Variants in PRKG1 observed in about 807,000 individuals in gnomAD.
PRKG1 encodes the protein protein kinase cGMP-dependent 1.
In PRKG1, 35 loss-of-function variants were observed where a neutral mutation model predicts 88.1. The ratio of observed to expected loss-of-function variants is 0.40; its 90% CI spans 0.30 to 0.53. The LOEUF (loss-of-function observed/expected upper bound fraction) is 0.53, where lower values mean the gene tolerates loss of function less well. PRKG1 is among the 20% of genes least tolerant of loss of function. The pLI is 0.59. For synonymous variants in PRKG1, 303 were observed against 292.5 expected, an observed-to-expected ratio of 1.04 and a Z score of -0.37; for missense variants, 540 against 839.8, an observed-to-expected ratio of 0.64 and a Z score of 4.41.
chr10:51,010,800 C>G (rs368665118), intron 1 of PRKG1, among the ~76,000 whole-genome samples: 2 of 152,308 alleles, frequency 1.3e-5, no homozygotes, highest in East Asian at 1.9e-4. Flanking sequence ...AAGTGATGAA[C>G]ATCTCTCTGT....
At chr10:51,088,776 A>G (rs931031602) in intron 1 of PRKG1, among the ~76,000 whole-genome samples, 3 of 152,064 alleles carry the variant, frequency 2.0e-5, no homozygotes, top group African/African-American at 7.2e-5. Context: ...TGGAGCCCAG[A>G]AATGGATGGC....
chr10:51,689,239 ACTAT>A (rs1164074395), intron 3 of PRKG1, among the ~76,000 whole-genome samples: 1,965 of 150,316 alleles, frequency 0.013, 39 homozygotes, highest in African/African-American at 0.044. Context: ...AAATCTATCT[ACTAT>A]CTATCTATCT....
intron 2 of PRKG1, among the ~76,000 whole-genome samples, chr10:51,231,726 T>TA (rs1039327195): frequency 4.6e-5 from 7 of 151,616 alleles, no homozygotes; most frequent in Admixed American, 1.3e-4. Context: ...TTTTTTTTTT[T>TA]ACCTACAACA....
At chr10:52,283,502 C>G (rs1227199874) in intron 14 of PRKG1, among the ~76,000 whole-genome samples, 6 of 152,088 alleles carry the variant, frequency 3.9e-5, no homozygotes, top group Admixed American at 3.3e-4. Flanking sequence ...GCAGCTGCTA[C>G]TACTACAACA....
At chr10:52,003,519 G>A (rs912860668) in intron 5 of PRKG1, among the ~76,000 whole-genome samples, 1 of 152,060 alleles carries the variant, frequency 6.6e-6, no homozygotes, top group Non-Finnish European at 1.5e-5. Context: ...CATCTTTTTT[G>A]TCCTTTTCTT....
chr10:51,587,404 A>G (rs1361266785), intron 3 of PRKG1, among the ~76,000 whole-genome samples: 4 of 152,318 alleles, frequency 2.6e-5, no homozygotes, highest in African/African-American at 9.6e-5. Flanking sequence ...ATTCCGTGTC[A>G]GGATTTTAAC....
intron 2 of PRKG1, among the ~76,000 whole-genome samples, chr10:51,327,584 T>C (rs1420885669): frequency 6.6e-6 from 1 of 152,178 alleles, no homozygotes; most frequent in East Asian, 1.9e-4. Context: ...TGTTAGGTAA[T>C]TTTATTGTGC....
At chr10:52,284,820 C>T (rs1473620985) in intron 14 of PRKG1, among the ~76,000 whole-genome samples, 1 of 151,904 alleles carries the variant, frequency 6.6e-6, no homozygotes, top group Non-Finnish European at 1.5e-5. Context: ...CCTTTTAAGG[C>T]TTATAATGTT....
chr10:51,062,587 A>C lies in PRKG1; in HGVS notation c.266+70943A>C, dbSNP rs369091496. 394 of 152,222 alleles carry C rather than the reference A, an allele frequency of 2.6e-3. 1 individual carries two copies. Among genetic ancestry groups the C allele is most frequent in the African/African-American group, 8.9e-3 (369 of 41,542 alleles). 9.4% of individuals were successfully genotyped at this position (152,222 alleles called of 1,614,324 possible). On this transcript the variant is annotated intron_variant, in intron 1 of 17. Transcript: ENST00000401604. ...AAGAAATCAATAAGATAATCTCTTG[A>C]ATAATAATTTATTTTGAATTCAAAA... is the stretch of plus-strand genomic sequence containing the variant.
chr10:52,157,320 T>G (rs1025368620), intron 8 of PRKG1, among the ~76,000 whole-genome samples: 7 of 43,926 alleles, frequency 1.6e-4, no homozygotes, highest in South Asian at 6.7e-4. Context: ...TATATATATA[T>G]ATATATATAT....
At chr10:51,172,578 C>G (rs993767895) in intron 2 of PRKG1, among the ~76,000 whole-genome samples, 1 of 151,652 alleles carries the variant, frequency 6.6e-6, no homozygotes, top group African/African-American at 2.4e-5. Flanking sequence ...ATCAATTGAT[C>G]TATCTGTATA....
At chr10:51,793,850 C>T (rs1347824971) in intron 3 of PRKG1, among the ~76,000 whole-genome samples, 3 of 152,130 alleles carry the variant, frequency 2.0e-5, no homozygotes, top group Non-Finnish European at 4.4e-5. Context: ...CAACCTCTGC[C>T]TCCTGGGTTC....
At chr10:51,299,283 G>T (rs1840808848) in intron 2 of PRKG1, among the ~76,000 whole-genome samples, 1 of 152,030 alleles carries the variant, frequency 6.6e-6, no homozygotes, top group African/African-American at 2.4e-5. Flanking sequence ...TCGGCTCACT[G>T]CAACCTCCGC....
At chr10:51,956,004 A>T (rs1184899948) in intron 5 of PRKG1, among the ~76,000 whole-genome samples, 1 of 152,126 alleles carries the variant, frequency 6.6e-6, no homozygotes, top group African/African-American at 2.4e-5. Context: ...AAAAAGATTG[A>T]TGAAGAAAGC....
intron 4 of PRKG1, among the ~76,000 whole-genome samples, chr10:51,867,018 GGGATGAAGAATA>G (rs2132848422): frequency 6.6e-6 from 1 of 152,184 alleles, no homozygotes; most frequent in South Asian, 2.1e-4. Context: ...ATTTTATTGA[GGGATGAAGAATA>G]GGATGAGCTC....
chr10:51,673,255 G>A (rs1345149187), intron 3 of PRKG1, among the ~76,000 whole-genome samples: 3 of 152,174 alleles, frequency 2.0e-5, no homozygotes, highest in Non-Finnish European at 4.4e-5. Flanking sequence ...CAAGTGCTAA[G>A]AAGAAAAATT....
chr10:52,231,539 G>A (rs962790955), intron 9 of PRKG1: 5 of 152,302 alleles, frequency 3.3e-5, no homozygotes, highest in African/African-American at 1.2e-4. Context: ...TTAGATTAAT[G>A]ACTGAAGAGT....
intron 5 of PRKG1, among the ~76,000 whole-genome samples, chr10:52,043,926 A>AAAC (rs1845807277): frequency 6.7e-6 from 1 of 149,440 alleles, no homozygotes; most frequent in South Asian, 2.1e-4. Context: ...AGAAAAAAAA[A>AAAC]AAAAACCCAA....
chr10:51,644,075 C>T (rs1839861882), intron 3 of PRKG1, among the ~76,000 whole-genome samples: 2 of 152,180 alleles, frequency 1.3e-5, no homozygotes, highest in Non-Finnish European at 2.9e-5. Context: ...CTGTTACTCT[C>T]ACCATAATTA....
Sources: allele counts gnomAD v4.1 joint callset (sites outside exome capture counted in the v4.1 genomes callset), GRCh38; gene constraint gnomAD v4.1.1; transcripts MANE v1.5; gene names NCBI Gene and HGNC (gene_info 2026-07-23, HGNC 2026-07-21).